HCN4: variants seen among roughly 807,000 people sequenced by gnomAD.
HCN4 encodes hyperpolarization activated cyclic nucleotide gated potassium channel 4, also known as potassium/sodium hyperpolarization-activated cyclic nucleotide-gated channel 4.
In HCN4, 29 loss-of-function variants were observed where a neutral mutation model predicts 76.9. The ratio of observed to expected loss-of-function variants is 0.38; its 90% confidence interval spans 0.28 to 0.51. The LOEUF (loss-of-function observed/expected upper bound fraction) is 0.51. Among genes scored for constraint, HCN4 ranks in the 20% least tolerant of loss-of-function variants. HCN4 has a pLI of 0.90. For missense variants in HCN4, 1,416 were observed against 1,715.2 expected (o/e 0.83, Z 3.08); for synonymous variants, 772 against 762.5 (o/e 1.01, Z -0.21).
At position 73,364,473 on chromosome 15, in the gene HCN4, G is replaced by A. The variant is rs905057234; in HGVS notation, c.785+3013C>T. On this transcript the variant is annotated intron_variant, in intron 1 of 7. Transcript: ENST00000261917. Reference sequence around the variant, plus strand: ...TGTTGTTGTTGTTCCAGGTTCTCCAGGACACAGCTTGTGTGGAAGGAAGGA... The same window carrying A: ...TGTTGTTGTTGTTCCAGGTTCTCCAAGACACAGCTTGTGTGGAAGGAAGGA... Among the ~76,000 whole-genome samples, 30 of 152,234 alleles carry A rather than the reference G, an allele frequency of 2.0e-4. 1 individual carries two copies. The highest frequency in any genetic ancestry group is 5.5e-4 in the African/African-American group (23 of 41,456).
In HCN4 at chr15:73,323,784, G is replaced by T. The variant is rs763021264; in HGVS notation, c.2309C>A (p.Thr770Lys). 3 of 1,607,886 alleles carry T rather than the reference G, an allele frequency of 1.9e-6. No individual in the cohort carries two copies. The highest frequency in any genetic ancestry group is 1.3e-5 in the African/African-American group (1 of 75,032). ...QAAASATPTPTPVIWTPLIQA... is the reference protein window; with the variant it reads ...QAAASATPTPKPVIWTPLIQA... ...GATCAGCGGGGTCCAGATGACGGGC[G>T]TGGGGGTTGGGGTGGCAGAGGCAGC... The change falls in exon 8 of 8, where the codon ACG (threonine) becomes AAG (lysine). Residue 770 changes from threonine to lysine, a missense_variant. Physicochemically the swap from Thr to Lys is moderately conservative, Grantham distance 78. Around this residue, in one of 6 missense-constraint regions of HCN4, gnomAD observed 241 missense variants for 379.4 expected, o/e 0.64. Transcript: ENST00000261917.
rs2042890265 is a variant in HCN4, at chr15:73,325,007, C to G, written c.1926G>C (p.Val642=). Residue 642 remains valine, a synonymous_variant, in exon 6 of 8, where the codon GTG becomes GTC. Coordinates refer to ENST00000261917, the MANE Select transcript of HCN4 (RefSeq NM_005477.3). This position sits in a 1 kb window ranked among gnomAD's most constrained non-coding sequence, Gnocchi z 7.4. ...TGGTCTCCTTGTTGCCCTTGGTGAG[C>G]ACGCTGACCACGCCATGCTGGATGA... is the stretch of plus-strand genomic sequence containing the variant. ...MYFIQHGVVS[V]LTKGNKETKL... The G allele has an allele frequency of 2.5e-6, 4 of 1,614,194 alleles. No homozygotes were observed. Among genetic ancestry groups the G allele is most frequent in the Non-Finnish European group, 3.4e-6 (4 of 1,180,044 alleles).
intron 3 of HCN4, among the ~76,000 whole-genome samples, chr15:73,331,596 G>A (rs569532): frequency 0.5 from 75,829 of 151,962 alleles, 19,152 homozygotes; most frequent in East Asian, 0.55. Context: ...ACACCAGCTA[G>A]TTTTTTAAAA....
At position 73,323,840 on chromosome 15, in the gene HCN4, C is replaced by G; in HGVS notation, c.2253G>C (p.Glu751Asp). The G allele has an allele frequency of 6.2e-7, 1 of 1,605,580 alleles. No homozygotes were observed. The highest frequency in any genetic ancestry group is 8.5e-7 in the Non-Finnish European group (1 of 1,179,932). The change falls in exon 8 of 8, where the codon GAG becomes GAC. Residue 751 changes from glutamate to aspartate, a missense_variant. Physicochemically the swap from Glu to Asp is conservative, Grantham distance 45. Transcript: ENST00000261917. ...GGACGCGGTGCGCGCAGTGGGCCAT[C>G]TCCCGGTCATGCTGCACAATCTGCT... is the stretch of plus-strand genomic sequence containing the variant. ...IIQQIVQHDR[E>D]MAHCAHRVQA... is the part of the protein sequence containing the mutation.
intron 1 of HCN4, among the ~76,000 whole-genome samples, chr15:73,354,051 C>G (rs1168296865): frequency 3.9e-5 from 6 of 152,212 alleles, no homozygotes; most frequent in Non-Finnish European, 8.8e-5. Flanking sequence ...AAGCTGCTCC[C>G]TTGCCTGCCT....
At position 73,322,590 on chromosome 15, in the gene HCN4, A is replaced by G. The variant is rs1374291021; in HGVS notation, c.3503T>C (p.Phe1168Ser). Residue 1168 changes from phenylalanine to serine, a missense_variant, in exon 8 of 8, where the codon TTT (phenylalanine) becomes TCT (serine). Phe to Ser is a radical substitution (Grantham distance 155). Coordinates refer to ENST00000261917, the MANE Select transcript of HCN4 (RefSeq NM_005477.3). The part of the protein sequence containing the change: ...SGSLPPPLSL[F>S]GARATSSGGP... ...CCCAGAAGAGGTGGCTCTTGCCCCA[A>G]ACAAAGACAGAGGGGGTGGCAAAGA... 6 of 1,610,528 alleles carry G rather than the reference A, an allele frequency of 3.7e-6. No homozygotes were observed. The highest frequency in any genetic ancestry group is 1.3e-5 in the African/African-American group (1 of 74,858).
chr15:73,329,345 G>A (rs1479252095), intron 4 of HCN4, among the ~76,000 whole-genome samples: 2 of 152,360 alleles, frequency 1.3e-5, no homozygotes, highest in East Asian at 3.9e-4. Context: ...ACTGGAGACG[G>A]GGAAGGTGGG....
chr15:73,356,521 A>T (rs1038565254), intron 1 of HCN4, among the ~76,000 whole-genome samples: 1 of 151,612 alleles, frequency 6.6e-6, no homozygotes, highest in African/African-American at 2.4e-5. Flanking sequence ...CCCGGGGCAG[A>T]ACTTCTTAAG....
chr15:73,359,573 T>C (rs1448465117), intron 1 of HCN4, among the ~76,000 whole-genome samples: 1 of 151,992 alleles, frequency 6.6e-6, no homozygotes, highest in East Asian at 1.9e-4. Context: ...GCACCGAAAT[T>C]GGCTCAAAGG....
intron 6 of HCN4, among the ~76,000 whole-genome samples, chr15:73,324,491 A>G (rs1432101136): frequency 6.6e-6 from 1 of 152,192 alleles, no homozygotes; most frequent in African/African-American, 2.4e-5. Context: ...CCCAAAATTT[A>G]TATGTTGAAC....
chr15:73,349,118 T>G (rs1219962656), intron 1 of HCN4, among the ~76,000 whole-genome samples: 7 of 150,784 alleles, frequency 4.6e-5, no homozygotes, highest in Non-Finnish European at 7.4e-5. Flanking sequence ...GTCTCTCAGC[T>G]GGACCCTTGC....
At chr15:73,359,247 C>T (rs533836582) in intron 1 of HCN4, among the ~76,000 whole-genome samples, 4 of 152,280 alleles carry the variant, frequency 2.6e-5, no homozygotes, top group African/African-American at 7.2e-5. Flanking sequence ...CCTATCCAGC[C>T]GGCACGGCTC....
At chr15:73,342,815 T>C (rs779789025) in intron 2 of HCN4, among the ~76,000 whole-genome samples, 5 of 152,220 alleles carry the variant, frequency 3.3e-5, no homozygotes, top group Non-Finnish European at 7.3e-5. Flanking sequence ...CATAATGCTA[T>C]AGATCTAGCA....
chr15:73,347,695 T>C (rs919106640), intron 1 of HCN4, among the ~76,000 whole-genome samples: 1 of 152,070 alleles, frequency 6.6e-6, no homozygotes, highest in African/African-American at 2.4e-5. Context: ...CATGAATAAA[T>C]CTCACAATCC....
intron 1 of HCN4, among the ~76,000 whole-genome samples, chr15:73,362,131 C>T (rs1346572105): frequency 6.6e-6 from 1 of 152,230 alleles, no homozygotes; most frequent in Non-Finnish European, 1.5e-5. Context: ...GGACCAGCAG[C>T]GTCCAAGCAG....
chr15:73,361,378 G>C (rs1431254861), intron 1 of HCN4, among the ~76,000 whole-genome samples: 1 of 152,208 alleles, frequency 6.6e-6, no homozygotes, highest in East Asian at 1.9e-4. Flanking sequence ...AGCTGGCAGA[G>C]AACATCCTCT....
At chr15:73,334,369 GT>G (rs1383876613) in intron 2 of HCN4, among the ~76,000 whole-genome samples, 1 of 152,094 alleles carries the variant, frequency 6.6e-6, no homozygotes, top group Non-Finnish European at 1.5e-5. Context: ...GGCTGGTCAT[GT>G]TCAGGCACCT....
At position 73,321,945 on chromosome 15, in the gene HCN4, T is replaced by C. The variant is rs1595818762; in HGVS notation, c.*536A>G. 2 of 185,522 alleles carry C rather than the reference T, an allele frequency of 1.1e-5. No individual in the cohort carries two copies. Among genetic ancestry groups the C allele is most frequent in the East Asian group, 2.8e-4 (2 of 7,196 alleles). The allele number at this position is 185,522 out of a possible 1,614,324, so 11.5% of individuals were successfully genotyped here. ...ATACATATACATATACATATTCATA[T>C]ACAGATCTTGCTACGTTTACAGTAG... On this transcript the variant is annotated 3_prime_UTR_variant, in exon 8 of 8. Coordinates refer to ENST00000261917, the MANE Select transcript of HCN4 (RefSeq NM_005477.3).
chr15:73,347,373 GAC>G (rs2043034187), intron 1 of HCN4, among the ~76,000 whole-genome samples: 1 of 152,160 alleles, frequency 6.6e-6, no homozygotes, highest in African/African-American at 2.4e-5. Context: ...ATGCCTTTCT[GAC>G]ACCTTTACAT....
Sources: gnomAD v4.1 joint callset for allele counts (sites outside exome capture counted in the v4.1 genomes callset) on GRCh38, gnomAD v4.1.1 for gene constraint, gnomAD v4.1.1 regional missense constraint, Gnocchi (gnomAD v3.1) non-coding constraint, MANE v1.5 for transcripts, NCBI Gene and HGNC (gene_info 2026-07-23, HGNC 2026-07-21) for gene names.